Variants in CSMD1 observed in about 807,000 individuals in gnomAD.
The protein encoded by CSMD1 is CUB and Sushi multiple domains 1.
CSMD1 carries 213 observed loss-of-function variants against 417.5 expected under a neutral mutation model. The observed-to-expected ratio is 0.51, with a 90% CI of 0.46 to 0.57. The LOEUF is 0.57. CSMD1 is among the 20% of genes least tolerant of loss of function. The probability of loss-of-function intolerance (pLI) is 0.00; values close to 1 mark genes in which losing one functional copy is unlikely to be tolerated. For missense variants in CSMD1, 6,923 were observed against 4,529.7 expected (o/e 1.53, Z -15.17); for synonymous variants, 2,862 against 1,736.8 (o/e 1.65, Z -16.11).
chr8:3,573,463 C>T (rs996678546), intron 10 of CSMD1, among the ~76,000 whole-genome samples: 3 of 152,194 alleles, frequency 2.0e-5, no homozygotes, highest in Admixed American at 6.5e-5. Flanking sequence ...AGGCTTTTGT[C>T]ACAGCAAAGA....
intron 7 of CSMD1, among the ~76,000 whole-genome samples, chr8:3,675,237 G>A (rs1053580893): frequency 1.3e-5 from 2 of 152,102 alleles, no homozygotes; most frequent in Admixed American, 6.5e-5. Context: ...AGCACCTGTT[G>A]GTCTTCATTG....
chr8:4,844,832 T>C (rs1451543995), intron 1 of CSMD1, among the ~76,000 whole-genome samples: 1 of 152,108 alleles, frequency 6.6e-6, no homozygotes, highest in Non-Finnish European at 1.5e-5. Context: ...AAACCAGCCT[T>C]AAAAATTTAA....
Position 4,866,405 on chromosome 8 carries a change from A to C in CSMD1, c.85+127927T>G, listed in dbSNP as rs998604553. 1.1e-4 allele frequency among the ~76,000 whole-genome samples: 17 copies of C among 152,072 alleles called. No homozygotes were observed. In the South Asian group the frequency reaches 2.3e-3, roughly 20 times the overall value. On this transcript the variant is annotated intron_variant, in intron 1 of 69. Transcript: ENST00000635120. ...AACCTCCTGTGGTTAACATCTCTCT[A>C]ATTGTTTCTCTAAGATAATCTTGAT...
At chr8:4,944,737 A>C (rs1479762247) in intron 1 of CSMD1, among the ~76,000 whole-genome samples, 1 of 152,174 alleles carries the variant, frequency 6.6e-6, no homozygotes, top group Non-Finnish European at 1.5e-5. Context: ...TAAATCAATA[A>C]AAACAAAATA....
chr8:3,552,545 C>G (rs1171092352), intron 10 of CSMD1, among the ~76,000 whole-genome samples: 1 of 151,970 alleles, frequency 6.6e-6, no homozygotes, highest in African/African-American at 2.4e-5. Context: ...TTGGATTAGC[C>G]AAGATAAACA....
intron 6 of CSMD1, among the ~76,000 whole-genome samples, chr8:3,752,894 G>C (rs927229235): frequency 1.3e-5 from 2 of 152,064 alleles, no homozygotes; most frequent in Non-Finnish European, 1.5e-5. Flanking sequence ...AACGATGAAA[G>C]CATTATGGAT....
At chr8:4,959,292 G>A (rs192213241) in intron 1 of CSMD1, among the ~76,000 whole-genome samples, 6 of 152,264 alleles carry the variant, frequency 3.9e-5, no homozygotes, top group African/African-American at 1.2e-4. Context: ...TATGTAACAG[G>A]TATGTTTATT....
At chr8:3,773,374 C>G (rs1349938808) in intron 5 of CSMD1, among the ~76,000 whole-genome samples, 4 of 152,152 alleles carry the variant, frequency 2.6e-5, no homozygotes, top group Non-Finnish European at 5.9e-5. Flanking sequence ...GCCTCGACTA[C>G]AGTGAAGGCT....
chr8:3,842,847 G>C (rs984173920), intron 5 of CSMD1, among the ~76,000 whole-genome samples: 1 of 152,078 alleles, frequency 6.6e-6, no homozygotes, highest in Non-Finnish European at 1.5e-5. Context: ...TACAATAAAT[G>C]GGAATATAGG....
intron 37 of CSMD1, among the ~76,000 whole-genome samples, chr8:3,167,485 C>G (rs879698398): frequency 6.6e-6 from 1 of 152,058 alleles, no homozygotes; most frequent in African/African-American, 2.4e-5. Context: ...CAAGAAAGAA[C>G]AAAACGCAGG....
At chr8:4,362,074 G>A (rs757273132) in intron 3 of CSMD1, among the ~76,000 whole-genome samples, 3 of 152,098 alleles carry the variant, frequency 2.0e-5, no homozygotes, top group African/African-American at 7.2e-5. Flanking sequence ...TAAAGGCTGA[G>A]ATAATTTAAT....
At chr8:3,438,430 A>G (rs963790948) in intron 12 of CSMD1, among the ~76,000 whole-genome samples, 1 of 152,070 alleles carries the variant, frequency 6.6e-6, no homozygotes, top group Non-Finnish European at 1.5e-5. Context: ...TTGGCCCATC[A>G]ACACCTCCCT....
chr8:4,647,379 C>T lies in CSMD1; in HGVS notation c.86-9821G>A, dbSNP rs1473108404. On this transcript the variant is annotated intron_variant, in intron 1 of 69. Coordinates refer to ENST00000635120, the MANE Select transcript of CSMD1 (RefSeq NM_033225.6). ...GCCACGGCGGCCTGCTACGTAGGTA[C>T]GCGTGTGCCACGGAGGTCTGTTAGG... Among the ~76,000 whole-genome samples the T allele has an allele frequency of 4.7e-5, 7 of 149,076 alleles. No individual in the cohort carries two copies. The East Asian group carries it at 6.0e-4, about 13-fold the overall frequency.
intron 3 of CSMD1, among the ~76,000 whole-genome samples, chr8:4,272,422 C>T (rs747528401): frequency 1.3e-5 from 2 of 152,084 alleles, no homozygotes; most frequent in Non-Finnish European, 2.9e-5. Context: ...TTACATATAT[C>T]ATACTACATA....
At chr8:4,281,726 G>A (rs539153844) in intron 3 of CSMD1, among the ~76,000 whole-genome samples, 9 of 152,100 alleles carry the variant, frequency 5.9e-5, no homozygotes, top group East Asian at 3.9e-4. Flanking sequence ...AACATTAAAC[G>A]GAATCAATGT....
At chr8:4,275,902 A>G (rs17413143) in intron 3 of CSMD1, among the ~76,000 whole-genome samples, 16,901 of 152,276 alleles carry the variant, frequency 0.11, 1,158 homozygotes, top group Non-Finnish European at 0.16. Flanking sequence ...AACTTGCACA[A>G]AAACAGGATT....
In CSMD1 at chr8:4,366,953, T is replaced by C. The variant is rs149383162; in HGVS notation, c.415+53000A>G. Among the ~76,000 whole-genome samples, 198 of 152,262 alleles carry C rather than the reference T, an allele frequency of 1.3e-3. 1 individual carries two copies. Among genetic ancestry groups the C allele is most frequent in the African/African-American group, 4.6e-3 (190 of 41,562 alleles). On this transcript the variant is annotated intron_variant, in intron 3 of 69. Transcript: ENST00000635120. ...ACAGATTCTTGATATTACACCTTTG[T>C]TGGATGTGTACTCTGCAAATATTTT... is the stretch of plus-strand genomic sequence containing the variant.
chr8:4,440,611 G>A (rs376477586), intron 2 of CSMD1, among the ~76,000 whole-genome samples: 1 of 152,190 alleles, frequency 6.6e-6, no homozygotes, highest in Admixed American at 6.5e-5. Flanking sequence ...TGGAAAGATA[G>A]GTAGTACCAT....
Position 3,199,824 on chromosome 8 carries a change from A to G in CSMD1, c.5099-15T>C. ...CAATGTTTCCCCTAGAAACGAAAAC[A>G]GAGACAGATTCAGAAAACACACAGC... On this transcript the variant is annotated splice_polypyrimidine_tract_variant and intron_variant, in intron 32 of 69. Coordinates refer to ENST00000635120, the MANE Select transcript of CSMD1 (RefSeq NM_033225.6). The G allele has an allele frequency of 2.0e-6, 3 of 1,533,014 alleles. No individual in the cohort carries two copies. The highest frequency in any genetic ancestry group is 2.7e-6 in the Non-Finnish European group (3 of 1,127,358). 95.0% of individuals were successfully genotyped at this position (1,533,014 alleles called of 1,614,324 possible).
Sources: allele counts gnomAD v4.1 joint callset (sites outside exome capture counted in the v4.1 genomes callset), GRCh38; gene constraint gnomAD v4.1.1; transcripts MANE v1.5; gene names NCBI Gene and HGNC (gene_info 2026-07-23, HGNC 2026-07-21).